Variants in UTP20 observed in about 807,000 individuals in gnomAD.
UTP20 encodes the protein UTP20 small subunit processome component, also known as small subunit processome component 20 homolog.
A neutral mutation model predicts 329.5 loss-of-function variants in UTP20; 164 were observed. The ratio of observed to expected loss-of-function variants is 0.50; its 90% CI spans 0.44 to 0.57. UTP20 has a LOEUF of 0.57. UTP20 is among the 20% of genes least tolerant of loss of function. The pLI is 0.00. For missense variants in UTP20, 3,055 were observed against 3,284.2 expected (o/e 0.93, Z 1.71); for synonymous variants, 1,151 against 1,159.3 (o/e 0.99, Z 0.14).
intron 47 of UTP20, among the ~76,000 whole-genome samples, chr12:101,366,902 A>G (rs1255444209): frequency 2.0e-5 from 3 of 152,074 alleles, no homozygotes; most frequent in African/African-American, 7.2e-5. Context: ...CTGTCCCAGA[A>G]TTAATGATTC....
chr12:101,368,085 AG>A lies in UTP20; in HGVS notation c.6384+111del, dbSNP rs1870157503. On this transcript the variant is annotated intron_variant, in intron 48 of 61. Coordinates refer to ENST00000261637, the MANE Select transcript of UTP20 (RefSeq NM_014503.3). The stretch of plus-strand genomic sequence containing the variant: ...GGGCTCAAGCTTTATGAGATGATTG[AG>A]GTGTTTTTGTTTGGTTGGTGGGTTT... 11 of 758,094 alleles carry A rather than the reference AG, an allele frequency of 1.5e-5. No homozygotes were observed. The East Asian group carries it at 2.7e-4, about 19-fold the overall frequency. 47.0% of individuals were successfully genotyped at this position (758,094 alleles called of 1,614,324 possible).
chr12:101,373,264 A>T, intron 52 of UTP20, 137 bp from the exon 53 acceptor site: 1 of 824,902 alleles, frequency 1.2e-6, no homozygotes, highest in Non-Finnish European at 1.9e-6. Context: ...ACATACAAGC[A>T]TTAAAATTAG....
chr12:101,332,505 C>T (rs1391442373), intron 27 of UTP20, among the ~76,000 whole-genome samples: 2 of 152,100 alleles, frequency 1.3e-5, no homozygotes, highest in Admixed American at 1.3e-4. Flanking sequence ...CTACTCTGAG[C>T]CTGAACAAAT....
chr12:101,344,053 T>G (rs572814413), intron 35 of UTP20, among the ~76,000 whole-genome samples: 1 of 152,212 alleles, frequency 6.6e-6, no homozygotes, highest in Non-Finnish European at 1.5e-5. Flanking sequence ...TGTGGCATTT[T>G]ATAGTTATTC....
intron 26 of UTP20, 100 bp downstream of exon 26, chr12:101,327,347 G>T: frequency 1.6e-6 from 2 of 1,227,506 alleles, no homozygotes; most frequent in South Asian, 2.6e-5. Context: ...TTTCTAACAG[G>T]GTTGTTCCTC....
At chr12:101,381,459 G>A (rs552951790) in intron 58 of UTP20, among the ~76,000 whole-genome samples, 7 of 152,216 alleles carry the variant, frequency 4.6e-5, no homozygotes, top group South Asian at 2.1e-4. Context: ...TTGCTTGAAC[G>A]TGGGAGGCGG....
At chr12:101,291,657 G>A (rs1235218476) in intron 8 of UTP20, 85 bp from the exon 9 acceptor site, 2 of 1,337,732 alleles carry the variant, frequency 1.5e-6, no homozygotes, top group Non-Finnish European at 2.0e-6. Flanking sequence ...AATGGGAAAA[G>A]TTGAACTGTC....
Position 101,383,599 on chromosome 12 carries a change from G to C in UTP20, c.7986G>C (p.Lys2662Asn). 1 of 1,613,710 alleles carries C rather than the reference G, an allele frequency of 6.2e-7. No homozygotes were observed. Among genetic ancestry groups the C allele is most frequent in the Non-Finnish European group, 8.5e-7 (1 of 1,179,878 alleles). ...GAVAMDLGIDKVKPYLPMIIA... is the reference protein window; with the variant it reads ...GAVAMDLGIDNVKPYLPMIIA... Reference sequence around the variant, plus strand: ...TAGCAATGGATCTTGGGATAGACAAGGTAAAGCCGTATCTCCCAATGATCA... The same window carrying C: ...TAGCAATGGATCTTGGGATAGACAACGTAAAGCCGTATCTCCCAATGATCA... The change falls in exon 60 of 62, where the codon AAG becomes AAC. Residue 2662 changes from lysine (K) to asparagine (N), a missense_variant. Around this residue, in one of 3 missense-constraint regions of UTP20, gnomAD observed 337 missense variants for 345.5 expected, o/e 0.98. Coordinates refer to ENST00000261637, the MANE Select transcript of UTP20 (RefSeq NM_014503.3).
intron 10 of UTP20, 27 bp downstream of exon 10, chr12:101,292,131 G>A (rs1255874227): frequency 1.2e-6 from 2 of 1,608,950 alleles, no homozygotes; most frequent in Non-Finnish European, 8.5e-7. Flanking sequence ...AATATTAATT[G>A]AGCAGTTAAT....
intron 21 of UTP20, among the ~76,000 whole-genome samples, chr12:101,312,670 C>T (rs1872833490): frequency 6.6e-6 from 1 of 152,194 alleles, no homozygotes. Context: ...GAACTCCTGA[C>T]CTCAGGTGAT....
chr12:101,354,280 A>AAAAAG (rs1869640397), intron 40 of UTP20, among the ~76,000 whole-genome samples: 18 of 134,154 alleles, frequency 1.3e-4, no homozygotes, highest in African/African-American at 4.9e-4. Flanking sequence ...AAAAAAAAAA[A>AAAAAG]AAAAGAAAAG....
At chr12:101,342,287 T>C (rs1262163842) in intron 32 of UTP20, among the ~76,000 whole-genome samples, 159 bp from the exon 33 acceptor site, 2 of 152,236 alleles carry the variant, frequency 1.3e-5, no homozygotes, top group African/African-American at 4.8e-5. Context: ...TACATTAAAT[T>C]AAAATGCTAA....
intron 15 of UTP20, among the ~76,000 whole-genome samples, chr12:101,303,436 G>A (rs1374116648): frequency 1.3e-5 from 2 of 152,206 alleles, no homozygotes; most frequent in Non-Finnish European, 2.9e-5. Flanking sequence ...TGAACTTACT[G>A]AGGAGGAGAC....
chr12:101,346,579 A>T lies in UTP20; in HGVS notation c.4875A>T (p.Lys1625Asn). 1 of 1,599,708 alleles carries T rather than the reference A, an allele frequency of 6.3e-7. No homozygotes were observed. Among genetic ancestry groups the T allele is most frequent in the South Asian group, 1.1e-5 (1 of 87,590 alleles). Residue 1625 changes from lysine to asparagine, a missense_variant, in exon 38 of 62, where the codon AAA (lysine) becomes AAT (asparagine). Around this residue, in one of 3 missense-constraint regions of UTP20, gnomAD observed 2,445 missense variants for 2,575.5 expected, o/e 0.95. Coordinates refer to ENST00000261637, the MANE Select transcript of UTP20 (RefSeq NM_014503.3). ...CCATGACTCCAATTTTTGATGAGAA[A>T]ATGCTCAAGGTAGGTCATTAGATCT... is the stretch of plus-strand genomic sequence containing the variant. ...PYAMTPIFDE[K>N]MLKHENITTA...
intron 5 of UTP20, 24 bp from the exon 6 acceptor site, chr12:101,288,936 G>T: frequency 6.3e-7 from 1 of 1,577,138 alleles, no homozygotes; most frequent in Non-Finnish European, 8.7e-7. Context: ...TTAATGAAAT[G>T]TATCTTATTT....
intron 19 of UTP20, among the ~76,000 whole-genome samples, 160 bp downstream of exon 19, chr12:101,309,999 C>T (rs1872736241): frequency 6.6e-6 from 1 of 152,096 alleles, no homozygotes; most frequent in Non-Finnish European, 1.5e-5. Flanking sequence ...TAAAAATAAA[C>T]ATGAATTATT....
chr12:101,319,305 A>T (rs1279216365), intron 22 of UTP20, among the ~76,000 whole-genome samples: 1 of 152,184 alleles, frequency 6.6e-6, no homozygotes, highest in African/African-American at 2.4e-5. Context: ...AACCATTCTG[A>T]GCACACACTG....
intron 47 of UTP20, 64 bp from the exon 48 acceptor site, chr12:101,367,796 C>A: frequency 1.0e-6 from 1 of 970,804 alleles, no homozygotes; most frequent in Non-Finnish European, 1.6e-6. Context: ...CATCATTTCA[C>A]ATTTACCTAA....
chr12:101,352,979 C>A, intron 39 of UTP20, 68 bp from the exon 40 acceptor site: 1 of 955,992 alleles, frequency 1.0e-6, no homozygotes, highest in Non-Finnish European at 1.5e-6. Flanking sequence ...TTTAAATTTC[C>A]TCTCCTTTTA....
Sources: allele counts gnomAD v4.1 joint callset (sites outside exome capture counted in the v4.1 genomes callset), GRCh38; gene constraint gnomAD v4.1.1; regional missense constraint gnomAD v4.1.1; transcripts MANE v1.5; gene names NCBI Gene and HGNC (gene_info 2026-07-23, HGNC 2026-07-21).